COL24A1: variants seen among roughly 807,000 people sequenced by gnomAD.
COL24A1 encodes the protein collagen type XXIV alpha 1 chain.
A neutral mutation model predicts 253.9 loss-of-function variants in COL24A1; 224 were observed. The observed-to-expected ratio is 0.88, with a 90% CI of 0.79 to 0.99. COL24A1 has a LOEUF of 0.99. Ranked by LOEUF, COL24A1 falls within the 50% of genes least tolerant of loss-of-function variation. The pLI, the probability that COL24A1 is intolerant of heterozygous loss-of-function variation, is 0.00. For synonymous variants in COL24A1, 685 were observed against 673.7 expected (o/e 1.02, Z -0.26); for missense variants, 2,131 against 2,068.5 (o/e 1.03, Z -0.59).
intron 38 of COL24A1, 23 bp from the exon 39 acceptor site, chr1:85,847,795 A>T (rs937872492): frequency 1.3e-6 from 2 of 1,482,916 alleles, no homozygotes; most frequent in Non-Finnish European, 1.9e-6. Flanking sequence ...TTATTAAGAG[A>T]GAAAAGCAAG....
chr1:85,902,678 C>A (rs1321802837), intron 28 of COL24A1, among the ~76,000 whole-genome samples: 1 of 152,106 alleles, frequency 6.6e-6, no homozygotes, highest in Admixed American at 6.5e-5. Flanking sequence ...GGCTGCCCTA[C>A]ACACTCATAT....
chr1:85,991,204 A>T (rs1246964950), intron 19 of COL24A1, among the ~76,000 whole-genome samples: 1 of 152,194 alleles, frequency 6.6e-6, no homozygotes, highest in Admixed American at 6.5e-5. Context: ...AGGACCAAGA[A>T]ACAGGCAGAA....
intron 53 of COL24A1, among the ~76,000 whole-genome samples, chr1:85,770,702 T>C (rs1268209741): frequency 1.3e-5 from 2 of 152,208 alleles, no homozygotes; most frequent in Non-Finnish European, 2.9e-5. Context: ...TGATCTCTGC[T>C]GAAGAAGTGG....
At chr1:85,798,309 A>T (rs2101748940) in intron 47 of COL24A1, among the ~76,000 whole-genome samples, 1 of 152,244 alleles carries the variant, frequency 6.6e-6, no homozygotes, top group African/African-American at 2.4e-5. Flanking sequence ...ATACGCTGCC[A>T]AATACACTGA....
intron 5 of COL24A1, among the ~76,000 whole-genome samples, chr1:86,109,748 T>A (rs969039103): frequency 6.6e-6 from 1 of 152,234 alleles, no homozygotes; most frequent in African/African-American, 2.4e-5. Flanking sequence ...CTGTCATCAC[T>A]CATATGCACA....
At position 85,988,267 on chromosome 1, in the gene COL24A1, A is replaced by C. The variant is rs373963643; in HGVS notation, c.2311-613T>G. On this transcript the variant is annotated intron_variant, in intron 19 of 59. Transcript: ENST00000370571. ...ATCTTACAAGTTCCATCATTAATTA[A>C]TAAATTGAATAAAATCTTTGACCTG... is the stretch of plus-strand genomic sequence containing the variant. 1.2e-4 allele frequency among the ~76,000 whole-genome samples: 19 copies of C among 152,142 alleles called. No homozygotes were observed. In the East Asian group the frequency reaches 2.5e-3, roughly 20 times the overall value.
At chr1:86,151,268 A>G (rs1652742600) in intron 1 of COL24A1, among the ~76,000 whole-genome samples, 1 of 152,152 alleles carries the variant, frequency 6.6e-6, no homozygotes, top group Admixed American at 6.5e-5. Context: ...TCTAGTTGGT[A>G]TATTAAACAT....
chr1:86,066,392 C>A (rs931186284), intron 7 of COL24A1, among the ~76,000 whole-genome samples: 9 of 151,832 alleles, frequency 5.9e-5, no homozygotes, highest in Non-Finnish European at 1.0e-4. Flanking sequence ...GCGCCCGCCA[C>A]CATGCCCGGC....
chr1:85,805,226 G>T (rs994614462), intron 47 of COL24A1, among the ~76,000 whole-genome samples: 1 of 152,110 alleles, frequency 6.6e-6, no homozygotes, highest in African/African-American at 2.4e-5. Context: ...TGCTGCTATT[G>T]TTTAAAATAA....
intron 55 of COL24A1, among the ~76,000 whole-genome samples, chr1:85,754,456 G>A (rs1167267761): frequency 1.0e-5 from 1 of 100,128 alleles, no homozygotes; most frequent in East Asian, 3.0e-4. Flanking sequence ...GTTAGTGGGT[G>A]CAGCGCACCA....
At chr1:85,886,526 G>A (rs1183255814) in intron 32 of COL24A1, among the ~76,000 whole-genome samples, 5 of 151,788 alleles carry the variant, frequency 3.3e-5, no homozygotes, top group African/African-American at 4.8e-5. Flanking sequence ...TTATTGGGGC[G>A]TGGTGGCATG....
intron 24 of COL24A1, among the ~76,000 whole-genome samples, chr1:85,927,493 C>T (rs777774136): frequency 3.9e-5 from 5 of 129,368 alleles, no homozygotes; most frequent in Middle Eastern, 7.5e-3. Context: ...AAGGCGGCAA[C>T]GAGGCTGGGG....
At chr1:85,787,796 G>T (rs1209050220) in intron 47 of COL24A1, among the ~76,000 whole-genome samples, 1 of 152,060 alleles carries the variant, frequency 6.6e-6, no homozygotes, top group African/African-American at 2.4e-5. Context: ...AGGTCTTCGA[G>T]GAATCACCAC....
At chr1:85,830,964 A>G (rs926166562) in intron 43 of COL24A1, among the ~76,000 whole-genome samples, 1 of 152,124 alleles carries the variant, frequency 6.6e-6, no homozygotes, top group African/African-American at 2.4e-5. Flanking sequence ...ATTTATTCTT[A>G]CAGCAAAGTC....
At chr1:86,065,362 T>C (rs1380593404) in intron 7 of COL24A1, among the ~76,000 whole-genome samples, 1 of 152,198 alleles carries the variant, frequency 6.6e-6, no homozygotes, top group Non-Finnish European at 1.5e-5. Context: ...GGCACAATTT[T>C]ATTTTAGCTT....
At chr1:85,862,363 T>C (rs1679253327) in intron 37 of COL24A1, among the ~76,000 whole-genome samples, 2 of 152,198 alleles carry the variant, frequency 1.3e-5, no homozygotes, top group South Asian at 4.1e-4. Flanking sequence ...AATAAAAGTT[T>C]AGAAAATCTA....
At chr1:86,124,188 GT>G (rs1307938159) in intron 3 of COL24A1, among the ~76,000 whole-genome samples, 2 of 148,882 alleles carry the variant, frequency 1.3e-5, no homozygotes, top group Non-Finnish European at 3.0e-5. Flanking sequence ...TTATCTCACA[GT>G]TTTGTTTACA....
intron 4 of COL24A1, among the ~76,000 whole-genome samples, chr1:86,113,996 A>G (rs1163032574): frequency 6.6e-6 from 1 of 152,162 alleles, no homozygotes; most frequent in Non-Finnish European, 1.5e-5. Flanking sequence ...AGGACAATGG[A>G]ATATAAATTA....
chr1:85,760,146 C>T (rs1373745597), intron 55 of COL24A1, among the ~76,000 whole-genome samples: 1 of 151,738 alleles, frequency 6.6e-6, no homozygotes, highest in East Asian at 1.9e-4. Context: ...GATCTCGGCT[C>T]ACTGCAACCT....
Sources: allele counts gnomAD v4.1 joint callset (sites outside exome capture counted in the v4.1 genomes callset), GRCh38; gene constraint gnomAD v4.1.1; transcripts MANE v1.5; gene names NCBI Gene and HGNC (gene_info 2026-07-23, HGNC 2026-07-21).